NSD3: variants seen among roughly 807,000 people sequenced by gnomAD.
NSD3 encodes histone-lysine N-methyltransferase NSD3.
In NSD3, 24 loss-of-function variants were observed where a neutral mutation model predicts 160.8. That is an observed-to-expected ratio of 0.15 (90% CI 0.11 to 0.21). The LOEUF (loss-of-function observed/expected upper bound fraction) is 0.21, where lower values mean the gene tolerates loss of function less well. Among genes scored for constraint, NSD3 ranks in the 10% least tolerant of loss-of-function variants. The pLI is 1.00. For synonymous variants in NSD3, 520 were observed against 600.0 expected, an observed-to-expected ratio of 0.87 and a Z score of 1.95; for missense variants, 1,157 against 1,735.9, an observed-to-expected ratio of 0.67 and a Z score of 5.93.
intron 3 of NSD3, 127 bp downstream of exon 3, chr8:38,338,409 G>A: frequency 1.3e-6 from 1 of 743,910 alleles, no homozygotes. Context: ...CCAGCTCCAA[G>A]ACTTATTTCA....
intron 1 of NSD3, among the ~76,000 whole-genome samples, chr8:38,349,576 T>A (rs370886789): frequency 7.3e-5 from 11 of 151,002 alleles, no homozygotes; most frequent in African/African-American, 2.4e-4. Context: ...TTCTATAGGT[T>A]ATACTATGTC....
At chr8:38,335,145 G>A (rs1194814480) in intron 4 of NSD3, among the ~76,000 whole-genome samples, 2 of 152,020 alleles carry the variant, frequency 1.3e-5, no homozygotes, top group African/African-American at 4.8e-5. Flanking sequence ...GCGCCAAAAC[G>A]CCTGGCTAAT....
intron 2 of NSD3, 45 bp from the exon 3 acceptor site, chr8:38,338,652 A>G: frequency 7.0e-7 from 1 of 1,425,220 alleles, no homozygotes; most frequent in African/African-American, 1.4e-5. Flanking sequence ...GGCATTAAAT[A>G]AACAAACAAA....
At chr8:38,322,189 T>C (rs531880082) in intron 7 of NSD3, among the ~76,000 whole-genome samples, 7 of 152,362 alleles carry the variant, frequency 4.6e-5, no homozygotes, top group Admixed American at 3.3e-4. Flanking sequence ...CTTGGCTATG[T>C]ATAAATGACT....
chr8:38,308,445 A>G (rs527415067), intron 12 of NSD3, among the ~76,000 whole-genome samples: 1 of 152,220 alleles, frequency 6.6e-6, no homozygotes, highest in South Asian at 2.1e-4. Context: ...AAGTTTTAAA[A>G]ATTAAAAAAA....
At chr8:38,380,677 A>AG (rs1474333220) in intron 1 of NSD3, 2 of 152,316 alleles carry the variant, frequency 1.3e-5, no homozygotes, top group African/African-American at 4.8e-5. Flanking sequence ...GTGATGGAAA[A>AG]CATCACTACC....
intron 10 of NSD3, 121 bp from the exon 11 acceptor site, chr8:38,315,665 C>G: frequency 7.2e-7 from 1 of 1,385,888 alleles, no homozygotes; most frequent in South Asian, 1.4e-5. Flanking sequence ...CCACCTTTTT[C>G]CTTCCTTTCT....
chr8:38,326,992 C>T, intron 6 of NSD3, 136 bp from the exon 7 acceptor site: 2 of 915,726 alleles, frequency 2.2e-6, no homozygotes, highest in African/African-American at 1.7e-5. Flanking sequence ...ATTAAGTTAT[C>T]TTAGCCTTTA....
intron 12 of NSD3, among the ~76,000 whole-genome samples, chr8:38,306,140 A>C (rs1035250084): frequency 3.9e-5 from 6 of 152,154 alleles, no homozygotes; most frequent in Non-Finnish European, 7.4e-5. Context: ...AAAAAGAATA[A>C]TAAAACTGAT....
chr8:38,290,193 G>A (rs1237215198), intron 17 of NSD3, among the ~76,000 whole-genome samples: 3 of 150,808 alleles, frequency 2.0e-5, no homozygotes, highest in African/African-American at 7.3e-5. Context: ...TCTAGCCTGG[G>A]CAAGAGTGAG....
At chr8:38,290,813 C>T in intron 16 of NSD3, 136 bp from the exon 17 acceptor site, 2 of 730,808 alleles carry the variant, frequency 2.7e-6, no homozygotes, top group Non-Finnish European at 4.5e-6. Flanking sequence ...AAATACCACA[C>T]ATCATTATAA....
chr8:38,353,608 TC>T (rs1026464404), intron 1 of NSD3, among the ~76,000 whole-genome samples: 20 of 152,340 alleles, frequency 1.3e-4, no homozygotes, highest in Middle Eastern at 3.4e-3. Context: ...CCTTTTCCTG[TC>T]TTCTCTAGCC....
At chr8:38,378,620 T>TG in intron 1 of NSD3, among the ~76,000 whole-genome samples, 1 of 151,632 alleles carries the variant, frequency 6.6e-6, no homozygotes, top group South Asian at 2.1e-4. Flanking sequence ...CCAGCCTGGG[T>TG]GACAGAGCGA....
intron 21 of NSD3, among the ~76,000 whole-genome samples, 192 bp from the exon 22 acceptor site, chr8:38,278,604 A>G: frequency 6.6e-6 from 1 of 152,214 alleles, no homozygotes; most frequent in East Asian, 1.9e-4. Flanking sequence ...CCCAGGAACA[A>G]TGACAGCAAA....
At chr8:38,350,640 C>G (rs1305572723) in intron 1 of NSD3, among the ~76,000 whole-genome samples, 1 of 152,128 alleles carries the variant, frequency 6.6e-6, no homozygotes, top group Non-Finnish European at 1.5e-5. Context: ...ATGTACGTGG[C>G]AGGGTCTGCC....
intron 2 of NSD3, among the ~76,000 whole-genome samples, chr8:38,342,022 T>C (rs1025778726): frequency 6.6e-5 from 10 of 152,206 alleles, no homozygotes; most frequent in African/African-American, 2.4e-4. Flanking sequence ...TTTTGATTTG[T>C]TCCAGATTGT....
chr8:38,305,257 C>T lies in NSD3; in HGVS notation c.2431G>A (p.Ala811Thr). 1 of 1,613,814 alleles carries T rather than the reference C, an allele frequency of 6.2e-7. No homozygotes were observed. Reference protein sequence around the residue: ...ACSMEKDIHKASKGRMMRCLR... With the variant: ...ACSMEKDIHKTSKGRMMRCLR... ...TCTTCAGCTGTTTTACCTTTACTTGCTTTGTGGATATCTTTCTCCATAGAG... is the reference window on the plus strand; with the variant it reads ...TCTTCAGCTGTTTTACCTTTACTTGTTTTGTGGATATCTTTCTCCATAGAG... The change falls in exon 13 of 24, where the codon GCA becomes ACA. Residue 811 changes from alanine (A) to threonine (T), a missense_variant. Ala to Thr is a moderately conservative substitution (Grantham distance 58). This residue lies in a region of NSD3 where 437 missense variants were observed against 576.6 expected (regional missense o/e 0.76). Coordinates refer to ENST00000317025, the MANE Select transcript of NSD3 (RefSeq NM_023034.2).
At chr8:38,290,775 C>G (rs1808983244) in intron 16 of NSD3, 98 bp from the exon 17 acceptor site, 1 of 1,178,626 alleles carries the variant, frequency 8.5e-7, no homozygotes, top group African/African-American at 1.6e-5. Flanking sequence ...TTGTATTTTG[C>G]AATTTTCATT....
intron 4 of NSD3, among the ~76,000 whole-genome samples, chr8:38,334,571 A>G (rs535246958): frequency 1.3e-5 from 2 of 152,002 alleles, no homozygotes; most frequent in African/African-American, 4.8e-5. Context: ...TGGCCAACAC[A>G]GTGAAACCCC....
Sources: allele counts gnomAD v4.1 joint callset (sites outside exome capture counted in the v4.1 genomes callset), GRCh38; gene constraint gnomAD v4.1.1; regional missense constraint gnomAD v4.1.1; transcripts MANE v1.5; gene names NCBI Gene and HGNC (gene_info 2026-07-23, HGNC 2026-07-21).